The following GRIP1 variants were observed in gnomAD, a reference collection of about 807,000 sequenced individuals.
GRIP1 encodes the protein glutamate receptor-interacting protein 1.
Under a neutral mutation model 129.9 loss-of-function variants are expected in GRIP1, and 45 were observed. That is an observed-to-expected ratio of 0.35 (90% confidence interval 0.27 to 0.44). The LOEUF (loss-of-function observed/expected upper bound fraction) is 0.44. GRIP1 is among the 20% of genes least tolerant of loss of function. GRIP1 has a pLI of 1.00. For missense variants in GRIP1, 1,196 were observed against 1,396.8 expected, an observed-to-expected ratio of 0.86 and a Z score of 2.29; for synonymous variants, 530 against 520.8, an observed-to-expected ratio of 1.02 and a Z score of -0.24.
At chr12:66,456,391 C>A (rs1435217120) in intron 9 of GRIP1, 49 bp from the exon 10 acceptor site, 18 of 1,053,314 alleles carry the variant, frequency 1.7e-5, no homozygotes, top group South Asian at 5.5e-5. Flanking sequence ...AACGAACAAA[C>A]AAAGAACCAA....
intron 1 of GRIP1, among the ~76,000 whole-genome samples, chr12:66,723,297 TTTCTTTC>T (rs2036142960): frequency 2.8e-5 from 1 of 36,334 alleles, no homozygotes; most frequent in African/African-American, 1.9e-4. Context: ...TCTTTCTTTC[TTTCTTTC>T]TTTTTTTTTT....
intron 1 of GRIP1, among the ~76,000 whole-genome samples, chr12:66,670,686 TAGGTGTTAAAGA>T (rs2034037572): frequency 1.3e-5 from 2 of 152,164 alleles, no homozygotes; most frequent in Non-Finnish European, 2.9e-5. Flanking sequence ...CTAATGGGCT[TAGGTGTTAAAGA>T]CATTTAATGG....
chr12:66,606,848 A>G (rs1174015456), intron 1 of GRIP1, among the ~76,000 whole-genome samples: 7 of 152,194 alleles, frequency 4.6e-5, no homozygotes, highest in Admixed American at 4.6e-4. Flanking sequence ...AACTTGAAGT[A>G]TGGGGATACA....
intron 14 of GRIP1, among the ~76,000 whole-genome samples, chr12:66,430,460 T>C (rs1459256298): frequency 6.6e-6 from 1 of 152,206 alleles, no homozygotes; most frequent in Non-Finnish European, 1.5e-5. Flanking sequence ...TTATGGGGGT[T>C]TTTAGATTGT....
At chr12:66,781,479 A>G (rs1366797761) in intron 1 of GRIP1, among the ~76,000 whole-genome samples, 3 of 152,212 alleles carry the variant, frequency 2.0e-5, no homozygotes, top group Non-Finnish European at 4.4e-5. Context: ...AGCTTTATTG[A>G]GATACAGTTC....
intron 1 of GRIP1, among the ~76,000 whole-genome samples, chr12:66,900,200 G>A (rs1368420253): frequency 6.6e-6 from 1 of 152,160 alleles, no homozygotes; most frequent in Non-Finnish European, 1.5e-5. Flanking sequence ...GTATATAATA[G>A]AAACTCCCAA....
chr12:66,552,299 G>T (rs2062167869), intron 2 of GRIP1, among the ~76,000 whole-genome samples: 1 of 152,140 alleles, frequency 6.6e-6, no homozygotes, highest in African/African-American at 2.4e-5. Flanking sequence ...TTTCTTCCAT[G>T]AATATCTAAG....
chr12:66,596,741 AT>A (rs1182352908), intron 2 of GRIP1, 105 bp downstream of exon 2: 19 of 556,148 alleles, frequency 3.4e-5, no homozygotes, highest in Admixed American at 4.9e-5. Context: ...AAATAACATG[AT>A]TTATTATTAT....
At chr12:66,849,808 T>A (rs2039879595) in intron 1 of GRIP1, among the ~76,000 whole-genome samples, 1 of 152,114 alleles carries the variant, frequency 6.6e-6, no homozygotes, top group African/African-American at 2.4e-5. Context: ...ATTTCCTACA[T>A]CTTCAATCTG....
At chr12:66,791,658 AAT>A (rs1338860004) in intron 1 of GRIP1, among the ~76,000 whole-genome samples, 1 of 152,140 alleles carries the variant, frequency 6.6e-6, no homozygotes, top group Non-Finnish European at 1.5e-5. Flanking sequence ...ATAACTCAAC[AAT>A]ACTCTTTTTT....
At chr12:66,361,684 G>C (rs1446777612) in intron 23 of GRIP1, among the ~76,000 whole-genome samples, 3 of 152,182 alleles carry the variant, frequency 2.0e-5, no homozygotes, top group African/African-American at 7.2e-5. Context: ...CCTGTTGCGG[G>C]TGTCTTTGCT....
At chr12:66,943,094 G>A (rs1374783076) in intron 1 of GRIP1, among the ~76,000 whole-genome samples, 3 of 152,144 alleles carry the variant, frequency 2.0e-5, no homozygotes, top group African/African-American at 7.2e-5. Context: ...TAAAAATTTG[G>A]GAGATTCTTT....
At chr12:66,862,146 T>C (rs2040123115) in intron 1 of GRIP1, among the ~76,000 whole-genome samples, 1 of 152,072 alleles carries the variant, frequency 6.6e-6, no homozygotes. Flanking sequence ...TGTTAAGCAA[T>C]TTTCTATGGA....
At chr12:66,530,536 C>T (rs1174966835) in intron 4 of GRIP1, among the ~76,000 whole-genome samples, 2 of 152,082 alleles carry the variant, frequency 1.3e-5, no homozygotes, top group Admixed American at 6.6e-5. Flanking sequence ...ATATATTATG[C>T]TTATGTTGTG....
At chr12:66,880,076 G>A (rs1172329419) in intron 1 of GRIP1, among the ~76,000 whole-genome samples, 1 of 152,100 alleles carries the variant, frequency 6.6e-6, no homozygotes, top group Non-Finnish European at 1.5e-5. Flanking sequence ...CTGATGATGA[G>A]GCACAGAGAG....
At chr12:66,928,135 T>C (rs1307039769) in intron 1 of GRIP1, among the ~76,000 whole-genome samples, 2 of 152,236 alleles carry the variant, frequency 1.3e-5, no homozygotes, top group Admixed American at 1.3e-4. Context: ...TTATTGTTTA[T>C]GCCAGTTTTA....
chr12:66,756,775 G>A (rs2037303450), intron 1 of GRIP1, among the ~76,000 whole-genome samples: 1 of 152,138 alleles, frequency 6.6e-6, no homozygotes, highest in Non-Finnish European at 1.5e-5. Context: ...TGACAACTGA[G>A]AATGTCAAGG....
At chr12:66,887,367 C>A (rs569717272) in intron 1 of GRIP1, among the ~76,000 whole-genome samples, 1 of 152,184 alleles carries the variant, frequency 6.6e-6, no homozygotes, top group Admixed American at 6.5e-5. Flanking sequence ...TGTGCCTCAA[C>A]GTCCTCAGGG....
At chr12:66,357,199 G>A (rs2054534001) in intron 23 of GRIP1, among the ~76,000 whole-genome samples, 1 of 152,100 alleles carries the variant, frequency 6.6e-6, no homozygotes, top group African/African-American at 2.4e-5. Flanking sequence ...TTTTAAGTTG[G>A]CTTGCTTAAG....
Sources: gnomAD v4.1 joint callset for allele counts (sites outside exome capture counted in the v4.1 genomes callset) on GRCh38, gnomAD v4.1.1 for gene constraint, MANE v1.5 for transcripts, NCBI Gene and HGNC (gene_info 2026-07-23, HGNC 2026-07-21) for gene names.